Variants in CUX1 observed in about 807,000 individuals in gnomAD.
The protein encoded by CUX1 is protein CASP.
A neutral mutation model predicts 158.8 loss-of-function variants in CUX1; 31 were observed. The ratio of observed to expected loss-of-function variants is 0.20; its 90% CI spans 0.15 to 0.26. The LOEUF (loss-of-function observed/expected upper bound fraction) is 0.26. CUX1 is among the 10% of genes least tolerant of loss of function. The pLI, the probability that CUX1 is intolerant of heterozygous loss-of-function variation, is 1.00. For missense variants in CUX1, 1,589 were observed against 2,014.6 expected (o/e 0.79, Z 4.04); for synonymous variants, 879 against 862.1 (o/e 1.02, Z -0.34).
chr7:102,278,749 T>C (rs1791818526), intron 18 of CUX1, among the ~76,000 whole-genome samples: 1 of 143,570 alleles, frequency 7.0e-6, no homozygotes, highest in Admixed American at 6.8e-5. Flanking sequence ...TAAAATAAAA[T>C]AGAAAAGAAA....
At chr7:101,963,883 C>T (rs1478804470) in intron 2 of CUX1, among the ~76,000 whole-genome samples, 2 of 152,058 alleles carry the variant, frequency 1.3e-5, no homozygotes, top group Non-Finnish European at 2.9e-5. Flanking sequence ...AACTCCTTAC[C>T]TCAAGTGATC....
At chr7:102,095,700 T>G (rs985420204) in intron 4 of CUX1, among the ~76,000 whole-genome samples, 55 of 152,194 alleles carry the variant, frequency 3.6e-4, no homozygotes, top group African/African-American at 1.3e-3. Flanking sequence ...TATATACTCT[T>G]GTTGATCCGC....
chr7:101,817,133 G>C (rs1219459695), upstream of CUX1: 12 of 984,328 alleles, frequency 1.2e-5, no homozygotes, highest in Non-Finnish European at 1.4e-5. This position sits in a 1 kb window ranked among gnomAD's most constrained non-coding sequence, Gnocchi z 4.1. Flanking sequence ...GCCGGGTGCG[G>C]GCGCGGGAGG....
intron 1 of CUX1, among the ~76,000 whole-genome samples, chr7:101,864,042 CT>C (rs1193699890): frequency 2.6e-5 from 4 of 152,172 alleles, no homozygotes; most frequent in African/African-American, 9.6e-5. Flanking sequence ...GTTTTCGTTT[CT>C]TTTGAGTTTA....
At chr7:101,985,634 A>G (rs952000097) in intron 2 of CUX1, among the ~76,000 whole-genome samples, 1 of 152,182 alleles carries the variant, frequency 6.6e-6, no homozygotes, top group Non-Finnish European at 1.5e-5. Flanking sequence ...CTTTGGGGGA[A>G]GTTTCCCAAA....
Position 102,248,725 on chromosome 7 carries a change from C to T in CUX1, c.4201C>T (p.Pro1401Ser). The T allele has an allele frequency of 8.7e-7, 1 of 1,152,530 alleles. No homozygotes were observed. The highest frequency in any genetic ancestry group is 1.1e-6 in the Non-Finnish European group (1 of 934,782). The allele number at this position is 1,152,530 out of a possible 1,614,324, so 71.4% of individuals were successfully genotyped here. The change falls in exon 24 of 24, where the codon CCC (proline) becomes TCC (serine). Residue 1401 changes from proline to serine, a missense_variant. Pro to Ser is a moderately conservative substitution (Grantham distance 74). Coordinates refer to ENST00000292535, the MANE Select transcript of CUX1 (RefSeq NM_181552.4). The surrounding 1 kb of genome is among the most constrained non-coding windows in gnomAD (Gnocchi z 5.8). ...HEGGPVEGPGPLPSPASATAT... is the reference protein window; with the variant it reads ...HEGGPVEGPGSLPSPASATAT... ...GGGAGGCCCCGTGGAAGGCCCGGGG[C>T]CCCTGCCCAGCCCCGCCTCCGCGAC...
chr7:101,836,362 C>T (rs913046619), intron 1 of CUX1, among the ~76,000 whole-genome samples: 3 of 152,098 alleles, frequency 2.0e-5, no homozygotes, highest in African/African-American at 7.2e-5. Flanking sequence ...ATCGCTTGAG[C>T]CCAGGAGTTT....
At chr7:101,816,858 C>T, upstream of CUX1, 6 of 957,528 alleles carry the variant, frequency 6.3e-6, no homozygotes, top group Non-Finnish European at 7.4e-6. Context: ...CCGCCGCCCC[C>T]GGCTGTCACC....
At chr7:102,185,837 G>A (rs976493838) in intron 11 of CUX1, among the ~76,000 whole-genome samples, 50 of 152,170 alleles carry the variant, frequency 3.3e-4, no homozygotes, top group Non-Finnish European at 3.4e-4. Flanking sequence ...CAGGCACGTA[G>A]GACCGGCCTC....
intron 8 of CUX1, among the ~76,000 whole-genome samples, chr7:102,131,420 G>A (rs1045222575): frequency 1.1e-4 from 16 of 151,612 alleles, no homozygotes; most frequent in Admixed American, 2.0e-4. Flanking sequence ...TTGGGAGGCC[G>A]AGGCAGGAGG....
rs374801556 is a variant in CUX1, at chr7:102,277,945, C to T, written c.1564-4C>T. The T allele has an allele frequency of 9.3e-6, 14 of 1,506,196 alleles. No individual in the cohort carries two copies. The highest frequency in any genetic ancestry group is 1.4e-5 in the African/African-American group (1 of 71,904). 93.3% of individuals were successfully genotyped at this position (1,506,196 alleles called of 1,614,324 possible). A position where few individuals can be genotyped will look rare whatever the true frequency, so the allele number is the denominator to read the frequency against. ...CACCCCTTTCCTTGCCCCTCCCCCC[C>T]CAGGAGAACCGCCTGGCCCAGCACA... On this transcript the variant is annotated splice_region_variant and splice_polypyrimidine_tract_variant and intron_variant, in intron 17 of 22. Coordinates refer to the CUX1 transcript ENST00000292538.
In CUX1 at chr7:102,279,904, C is replaced by T. The variant is rs551473670; in HGVS notation, c.1681-133C>T. On this transcript the variant is annotated intron_variant, in intron 18 of 22. Coordinates refer to the CUX1 transcript ENST00000292538. ...GTCACCCCAGCACCCTCTCCTCCCG[C>T]CTCTGAGATCTAGGGCTCCCTCCCC... 12 of 657,904 alleles carry T rather than the reference C, an allele frequency of 1.8e-5. No homozygotes were observed. In the African/African-American group the frequency reaches 2.0e-4, roughly 11 times the overall value. 40.8% of individuals were successfully genotyped at this position (657,904 alleles called of 1,614,324 possible). A position where few individuals can be genotyped will look rare whatever the true frequency, so the allele number is the denominator to read the frequency against.
chr7:101,982,724 T>C (rs1273501819), intron 2 of CUX1, among the ~76,000 whole-genome samples: 1 of 148,728 alleles, frequency 6.7e-6, no homozygotes. Flanking sequence ...AACAGGGACT[T>C]TTTTTTTTTT....
intron 3 of CUX1, among the ~76,000 whole-genome samples, chr7:102,030,139 G>A (rs901887012): frequency 1.3e-5 from 2 of 151,992 alleles, no homozygotes; most frequent in African/African-American, 2.4e-5. Flanking sequence ...AGCCTCCCAA[G>A]TAGCTGGGAT....
chr7:102,199,788 T>C (rs1795208607), intron 16 of CUX1, among the ~76,000 whole-genome samples: 1 of 152,212 alleles, frequency 6.6e-6, no homozygotes, highest in Non-Finnish European at 1.5e-5. Flanking sequence ...GCCTTTTATA[T>C]ATATGGATTA....
chr7:101,893,532 G>A (rs6978597), intron 1 of CUX1, among the ~76,000 whole-genome samples: 2 of 152,100 alleles, frequency 1.3e-5, no homozygotes, highest in South Asian at 2.1e-4. Flanking sequence ...TGCCCCCTGC[G>A]AGCGTTCTTT....
intron 8 of CUX1, among the ~76,000 whole-genome samples, chr7:102,150,213 T>C (rs782780871): frequency 1.3e-5 from 2 of 152,216 alleles, no homozygotes; most frequent in African/African-American, 2.4e-5. Context: ...TGGAGTGCAG[T>C]GGCACGATCT....
chr7:102,118,312 C>T (rs1268910627), intron 8 of CUX1, among the ~76,000 whole-genome samples: 3 of 152,100 alleles, frequency 2.0e-5, no homozygotes, highest in African/African-American at 7.2e-5. Flanking sequence ...CTGAGGCGGG[C>T]GGCTCACTTG....
chr7:102,002,255 G>A (rs1178321436), intron 2 of CUX1, among the ~76,000 whole-genome samples: 2 of 152,236 alleles, frequency 1.3e-5, no homozygotes, highest in Non-Finnish European at 2.9e-5. Context: ...AGCTGTGCTT[G>A]CACCACTGCA....
Sources: allele counts gnomAD v4.1 joint callset (sites outside exome capture counted in the v4.1 genomes callset), GRCh38; gene constraint gnomAD v4.1.1; non-coding constraint Gnocchi (gnomAD v3.1); transcripts MANE v1.5; gene names NCBI Gene and HGNC (gene_info 2026-07-23, HGNC 2026-07-21).